NMNAT1: variants seen among roughly 807,000 people sequenced by gnomAD.
The protein encoded by NMNAT1 is nicotinamide nucleotide adenylyltransferase 1.
A neutral mutation model predicts 16.7 loss-of-function variants in NMNAT1; 11 were observed. That is an observed-to-expected ratio of 0.66 (90% CI 0.41 to 1.09). The LOEUF is 1.09. NMNAT1 is among the 50% of genes least tolerant of loss of function. NMNAT1 has a pLI of 0.00. For synonymous variants in NMNAT1, 110 were observed against 119.8 expected (o/e 0.92, Z 0.53); for missense variants, 280 against 332.3 (o/e 0.84, Z 1.22).
At chr1:9,950,376 C>T (rs1641079365) in intron 1 of NMNAT1, among the ~76,000 whole-genome samples, 1 of 152,206 alleles carries the variant, frequency 6.6e-6, no homozygotes, top group Non-Finnish European at 1.5e-5. Context: ...TAGGCATGAA[C>T]CACCACGCCT....
intron 2 of NMNAT1, chr1:9,972,509 AT>A (rs1641712702): frequency 1.0e-5 from 2 of 193,168 alleles, no homozygotes; most frequent in African/African-American, 4.7e-5. Flanking sequence ...AAAAAAAAAA[AT>A]ACTAGAGAAC....
At chr1:9,996,489 A>C in the NMNAT1 span, among the ~76,000 whole-genome samples, 1 of 152,156 alleles carries the variant, frequency 6.6e-6, no homozygotes, top group African/African-American at 2.4e-5. Flanking sequence ...TCTGAGGCTA[A>C]ATGCTGCAGA....
intron 1 of NMNAT1, chr1:9,950,526 T>C (rs1220540659): frequency 6.6e-6 from 1 of 152,286 alleles, no homozygotes; most frequent in Non-Finnish European, 1.5e-5. Context: ...AGGCCCAGCC[T>C]GGTAGAGACG....
intron 1 of NMNAT1, among the ~76,000 whole-genome samples, chr1:9,949,438 T>C (rs1641056513): frequency 7.9e-6 from 1 of 126,416 alleles, no homozygotes; most frequent in East Asian, 2.4e-4. Context: ...GAGATGGAGT[T>C]TCACTCTGTC....
chr1:9,976,212 C>T (rs900696514), intron 3 of NMNAT1, among the ~76,000 whole-genome samples: 77 of 148,324 alleles, frequency 5.2e-4, no homozygotes, highest in African/African-American at 1.9e-3. Flanking sequence ...ACTTGAACCC[C>T]GGGGATGGAG....
intron 1 of NMNAT1, chr1:9,952,342 G>A (rs1641136908): frequency 6.6e-6 from 1 of 151,814 alleles, no homozygotes; most frequent in African/African-American, 2.4e-5. Flanking sequence ...AACATACACA[G>A]TCTGTTGCCA....
At chr1:9,974,740 T>C (rs1214833278) in intron 2 of NMNAT1, among the ~76,000 whole-genome samples, 1 of 151,958 alleles carries the variant, frequency 6.6e-6, no homozygotes, top group Non-Finnish European at 1.5e-5. Context: ...CCCATGTTGG[T>C]GTTGAGCTCC....
chr1:9,971,378 G>A (rs11121508), intron 1 of NMNAT1, among the ~76,000 whole-genome samples: 119,385 of 151,888 alleles, frequency 0.79, 49,529 homozygotes, highest in Non-Finnish European at 0.92. Flanking sequence ...CAGTGGCACA[G>A]TCTCGGCTCA....
rs1642030905 is a variant in NMNAT1, at chr1:9,985,276, T to C, written c.*2575T>C. 6.6e-6 allele frequency: 1 copy of C among 152,176 alleles called. No individual in the cohort carries two copies. Among genetic ancestry groups the C allele is most frequent in the Non-Finnish European group, 1.5e-5 (1 of 68,046 alleles). 9.4% of individuals were successfully genotyped at this position (152,176 alleles called of 1,614,324 possible). On this transcript the variant is annotated 3_prime_UTR_variant, in exon 5 of 5. Transcript: ENST00000377205. ...GTCAGCACTTCCTGAACACTTACTG[T>C]GTGCTTGGCTTGTGCTCCTGAGTGC...
At chr1:9,962,290 G>A (rs1260397959) in intron 1 of NMNAT1, among the ~76,000 whole-genome samples, 1 of 151,466 alleles carries the variant, frequency 6.6e-6, no homozygotes, top group Non-Finnish European at 1.5e-5. Context: ...AGACCATCCT[G>A]GCTAACATGG....
chr1:9,974,859 G>A (rs1188528422), intron 2 of NMNAT1, among the ~76,000 whole-genome samples: 1 of 152,056 alleles, frequency 6.6e-6, no homozygotes, highest in African/African-American at 2.4e-5. Flanking sequence ...CATATAATAT[G>A]CTGATAGGTA....
At position 9,977,798 on chromosome 1, in the gene NMNAT1, C is replaced by T. The variant is rs573667147; in HGVS notation, c.299+2023C>T. ...GCCTGAGCCTGGGAGGCAGAGGTTA[C>T]GGTGAACTGAAATTGTGCCACTGCA... On this transcript the variant is annotated intron_variant, in intron 3 of 4. Transcript: ENST00000377205. Among the ~76,000 whole-genome samples, 9 of 151,984 alleles carry T rather than the reference C, an allele frequency of 5.9e-5. No homozygotes were observed. In the East Asian group the frequency reaches 1.2e-3, roughly 20 times the overall value.
chr1:9,963,953 G>A (rs184853036), intron 1 of NMNAT1, among the ~76,000 whole-genome samples: 31 of 151,194 alleles, frequency 2.1e-4, no homozygotes, highest in African/African-American at 5.1e-4. Context: ...GTGCTGAGGC[G>A]TGATCTCAGC....
intron 1 of NMNAT1, among the ~76,000 whole-genome samples, chr1:9,953,208 TC>T (rs1480535981): frequency 6.6e-6 from 1 of 151,510 alleles, no homozygotes; most frequent in African/African-American, 2.4e-5. Flanking sequence ...GGTCTCGATC[TC>T]CTGTCCTTGT....
At chr1:9,959,890 A>G (rs1480223722) in intron 1 of NMNAT1, among the ~76,000 whole-genome samples, 4 of 152,198 alleles carry the variant, frequency 2.6e-5, no homozygotes, top group African/African-American at 9.6e-5. Context: ...ATTTCAAAAT[A>G]TACCCCCAAG....
At chr1:9,973,394 C>A (rs1315477202) in intron 2 of NMNAT1, among the ~76,000 whole-genome samples, 1 of 152,084 alleles carries the variant, frequency 6.6e-6, no homozygotes, top group Admixed American at 6.6e-5. Flanking sequence ...AGCTACCATA[C>A]CCAGCTAAAA....
intron 1 of NMNAT1, among the ~76,000 whole-genome samples, chr1:9,956,507 C>T (rs1641265415): frequency 6.7e-6 from 1 of 149,966 alleles, no homozygotes; most frequent in African/African-American, 2.5e-5. Flanking sequence ...CTGCAACCTC[C>T]ACCTCCTGGG....
Position 9,982,949 on chromosome 1 carries a change from T to C in NMNAT1, c.*248T>C. The stretch of plus-strand genomic sequence containing the variant: ...GGTGAAACCCCATCTCTACTAAAAA[T>C]ACAAAAATTAGCTGTGTGTGGTGGC... On this transcript the variant is annotated 3_prime_UTR_variant, in exon 5 of 5. Transcript: ENST00000377205. The C allele has an allele frequency of 3.1e-6, 1 of 326,724 alleles. No homozygotes were observed. 20.2% of individuals were successfully genotyped at this position (326,724 alleles called of 1,614,324 possible).
intron 1 of NMNAT1, among the ~76,000 whole-genome samples, chr1:9,959,184 C>T (rs1313358610): frequency 1.3e-5 from 2 of 152,034 alleles, no homozygotes; most frequent in African/African-American, 4.8e-5. Flanking sequence ...CCAGCCTGGC[C>T]AGCATACTGA....
Sources: allele counts gnomAD v4.1 joint callset (sites outside exome capture counted in the v4.1 genomes callset), GRCh38; gene constraint gnomAD v4.1.1; transcripts MANE v1.5; gene names NCBI Gene and HGNC (gene_info 2026-07-23, HGNC 2026-07-21).